Variants in EFCAB5 observed in about 807,000 individuals in gnomAD.
The protein encoded by EFCAB5 is EF-hand calcium binding domain 5.
A neutral mutation model predicts 167.9 loss-of-function variants in EFCAB5; 131 were observed. The ratio of observed to expected loss-of-function variants is 0.78; its 90% CI spans 0.68 to 0.90. The LOEUF is 0.90. Among genes scored for constraint, EFCAB5 ranks in the 40% least tolerant of loss-of-function variants. EFCAB5 has a pLI of 0.00. For missense variants in EFCAB5, 1,663 were observed against 1,745.2 expected (o/e 0.95, Z 0.84); for synonymous variants, 574 against 602.8 (o/e 0.95, Z 0.70).
intron 7 of EFCAB5, among the ~76,000 whole-genome samples, chr17:30,016,560 A>G (rs1288553307): frequency 2.0e-5 from 3 of 152,156 alleles, no homozygotes; most frequent in Non-Finnish European, 2.9e-5. Flanking sequence ...CCTTACAGTG[A>G]CCCTCTTCCA....
rs1567748195 is a variant in EFCAB5 at position 30,057,715 on chromosome 17, AG to A, written c.2407del (p.Val803Ter). On this transcript the variant is annotated frameshift_variant, in exon 13 of 23. Transcript: ENST00000394835. LOFTEE classifies it high-confidence loss of function. ...SIIRNIQSCK[E>X]VKGRTAFNGV... is the part of the protein sequence containing the mutation. ...ATCAGAAATATTCAGTCTTGCAAGG[AG>A]GTAAAAGGCAGAACTGCCTTCAATG... The A allele has an allele frequency of 3.1e-5, 50 of 1,613,598 alleles. No homozygotes were observed. The highest frequency in any genetic ancestry group is 4.2e-5 in the Non-Finnish European group (50 of 1,179,704).
At chr17:29,962,920 T>G (rs1279893012) in intron 3 of EFCAB5, among the ~76,000 whole-genome samples, 2 of 152,064 alleles carry the variant, frequency 1.3e-5, no homozygotes, top group African/African-American at 4.8e-5. Context: ...CATTACTGAG[T>G]GTCGTGTTAA....
At chr17:29,963,583 C>T in intron 3 of EFCAB5, among the ~76,000 whole-genome samples, 1 of 152,130 alleles carries the variant, frequency 6.6e-6, no homozygotes, top group East Asian at 1.9e-4. Context: ...AGTGTTCCCA[C>T]CTCTTCAATT....
intron 3 of EFCAB5, among the ~76,000 whole-genome samples, chr17:29,949,575 C>G (rs2067467913): frequency 1.3e-5 from 2 of 152,324 alleles, no homozygotes; most frequent in South Asian, 4.1e-4. Context: ...GCTAAAAAAT[C>G]CAGTACATCT....
At position 30,012,649 on chromosome 17, in the gene EFCAB5, C is replaced by T. The variant is rs191560322; in HGVS notation, c.1044+12673C>T. 6.2e-4 allele frequency among the ~76,000 whole-genome samples: 94 copies of T among 152,250 alleles called. 1 individual carries two copies. Among genetic ancestry groups the T allele is most frequent in the Admixed American group, 1.4e-3 (22 of 15,286 alleles). Reference sequence around the variant, plus strand: ...TATTTGGGGCCACTACTGGTCTCCGCGACTTGGTGGTAGTGGTCCCCCGGG... The same window carrying T: ...TATTTGGGGCCACTACTGGTCTCCGTGACTTGGTGGTAGTGGTCCCCCGGG... On this transcript the variant is annotated intron_variant, in intron 7 of 22. Coordinates refer to ENST00000394835, the MANE Select transcript of EFCAB5 (RefSeq NM_198529.4).
At chr17:29,950,795 T>C (rs1016544771) in intron 3 of EFCAB5, 3 of 152,352 alleles carry the variant, frequency 2.0e-5, no homozygotes, top group East Asian at 3.9e-4. Context: ...CAGTAAGGTT[T>C]CTGGTCAACA....
Position 30,059,915 on chromosome 17 carries a change from T to C in EFCAB5, c.2737+214T>C, listed in dbSNP as rs1597742564. On this transcript the variant is annotated intron_variant, in intron 14 of 22. Transcript: ENST00000394835. ...GCTGCCCAGGCTGGGCTCTAATTCC[T>C]GGGATCCAGTGATCCTCCTACCTCA... The C allele has an allele frequency of 1.6e-4, 43 of 267,968 alleles. No homozygotes were observed. The East Asian group carries it at 3.0e-3, about 19-fold the overall frequency. The allele number at this position is 267,968 out of a possible 1,614,324, so 16.6% of individuals were successfully genotyped here.
At chr17:30,003,259 A>C (rs2068702892) in intron 7 of EFCAB5, among the ~76,000 whole-genome samples, 1 of 152,002 alleles carries the variant, frequency 6.6e-6, no homozygotes, top group African/African-American at 2.4e-5. Flanking sequence ...TTTTTCAGAC[A>C]GGTTCTTGCT....
intron 18 of EFCAB5, among the ~76,000 whole-genome samples, chr17:30,086,237 A>C (rs189651672): frequency 6.6e-6 from 1 of 152,306 alleles, no homozygotes; most frequent in Non-Finnish European, 1.5e-5. Context: ...CTGTATTTAC[A>C]GAATATGTTA....
At chr17:30,072,477 A>G (rs1490338404) in intron 14 of EFCAB5, among the ~76,000 whole-genome samples, 3 of 152,202 alleles carry the variant, frequency 2.0e-5, no homozygotes, top group Non-Finnish European at 4.4e-5. Flanking sequence ...GAAACTGAAA[A>G]CTGGATAAGT....
upstream of EFCAB5, among the ~76,000 whole-genome samples, chr17:29,940,798 C>T (rs1241011122): frequency 2.0e-5 from 3 of 151,944 alleles, no homozygotes; most frequent in Non-Finnish European, 4.4e-5. Context: ...CCAGCACTTT[C>T]GGAGGCTGAG....
chr17:29,959,482 C>A (rs754354369), intron 3 of EFCAB5, among the ~76,000 whole-genome samples: 1 of 151,986 alleles, frequency 6.6e-6, no homozygotes, highest in African/African-American at 2.4e-5. Flanking sequence ...GGGTCTCACC[C>A]AAGGCAGTGA....
chr17:29,930,193 C>CGGCG (rs1420578068), intron 1 of EFCAB5: 28 of 570,788 alleles, frequency 4.9e-5, no homozygotes, highest in South Asian at 3.6e-4. Flanking sequence ...TCCGAACGGG[C>CGGCG]GGCGGGCGGG....
Position 30,067,701 on chromosome 17 carries a change from C to T in EFCAB5, c.2737+8000C>T, listed in dbSNP as rs555851187. ...GGAAAATACCTCAACACAAGAAAGG[C>T]CATACATAACAAAGGCAACATCATA... On this transcript the variant is annotated intron_variant, in intron 14 of 22. Transcript: ENST00000394835. Among the ~76,000 whole-genome samples, 7 of 152,216 alleles carry T rather than the reference C, an allele frequency of 4.6e-5. No homozygotes were observed. In the South Asian group the frequency reaches 1.2e-3, roughly 27 times the overall value.
At chr17:29,967,500 G>T (rs2067854621) in intron 3 of EFCAB5, among the ~76,000 whole-genome samples, 1 of 152,126 alleles carries the variant, frequency 6.6e-6, no homozygotes, top group South Asian at 2.1e-4. Context: ...TAAACTTGGG[G>T]TGCCTCAAAT....
chr17:30,054,576 C>A (rs1379849365), intron 10 of EFCAB5, among the ~76,000 whole-genome samples: 1 of 152,144 alleles, frequency 6.6e-6, no homozygotes, highest in Non-Finnish European at 1.5e-5. Context: ...AAGTCATATT[C>A]AAGACAGAAC....
At chr17:30,068,542 A>G (rs1266051981) in intron 14 of EFCAB5, 3 of 715,210 alleles carry the variant, frequency 4.2e-6, no homozygotes, top group Non-Finnish European at 6.8e-6. Context: ...GATTGGAAGA[A>G]TTAATATTGT....
At chr17:29,995,963 G>T (rs929185314) in intron 5 of EFCAB5, among the ~76,000 whole-genome samples, 13 of 152,166 alleles carry the variant, frequency 8.5e-5, no homozygotes, top group African/African-American at 2.9e-4. Context: ...AATTTTAGCA[G>T]AATTCATGTT....
In EFCAB5 at chr17:30,107,829, TGCA is replaced by T; in HGVS notation, c.4322-3_4322-1del. The T allele has an allele frequency of 6.5e-7, 1 of 1,541,222 alleles. No homozygotes were observed. The highest frequency in any genetic ancestry group is 8.7e-7 in the Non-Finnish European group (1 of 1,150,950). On this transcript the variant is annotated splice_acceptor_variant and splice_polypyrimidine_tract_variant and intron_variant, in intron 22 of 22. Coordinates refer to ENST00000394835, the MANE Select transcript of EFCAB5 (RefSeq NM_198529.4). LOFTEE classifies it high-confidence loss of function. ...TCTTACTTTTCTTTTTTTTTCCTGA[TGCA>T]GATCATTCCCGAACTGAAGTATGGA...
Sources: allele counts gnomAD v4.1 joint callset (sites outside exome capture counted in the v4.1 genomes callset), GRCh38; gene constraint gnomAD v4.1.1; transcripts MANE v1.5; gene names NCBI Gene and HGNC (gene_info 2026-07-23, HGNC 2026-07-21).